The following CLMN variants were observed in gnomAD, a reference collection of about 807,000 sequenced individuals.
The protein encoded by CLMN is calmin (calponin-like, transmembrane).
Under a neutral mutation model 92.7 loss-of-function variants are expected in CLMN, and 57 were observed. The observed-to-expected ratio is 0.61, with a 90% confidence interval of 0.50 to 0.77. The LOEUF (loss-of-function observed/expected upper bound fraction) is 0.77, where lower values mean the gene tolerates loss of function less well. CLMN is among the 30% of genes least tolerant of loss of function. The pLI, the probability that CLMN is intolerant of heterozygous loss-of-function variation, is 0.00. For missense variants in CLMN, 1,158 were observed against 1,237.5 expected, an observed-to-expected ratio of 0.94 and a Z score of 0.96; for synonymous variants, 466 against 470.6, an observed-to-expected ratio of 0.99 and a Z score of 0.13.
rs1439900581 is a variant in CLMN, at chr14:95,204,358, T to C, written c.991A>G (p.Asn331Asp). The stretch of plus-strand genomic sequence containing the variant: ...TTAACAGTGTAGGTACGCTCCCCAT[T>C]TTCAGTCAGAACGAAGACTTTGCTC... Reference protein sequence around the residue: ...QESKVFVLTENGERTYTVNHE... With the variant: ...QESKVFVLTEDGERTYTVNHE... The change falls in exon 9 of 13, where the codon AAT becomes GAT. Residue 331 changes from asparagine to aspartate, a missense_variant. Asn to Asp is a conservative substitution (Grantham distance 23, BLOSUM62 1). Coordinates refer to ENST00000298912, the MANE Select transcript of CLMN (RefSeq NM_024734.4). 6.2e-7 allele frequency: 1 copy of C among 1,613,980 alleles called. No individual in the cohort carries two copies. Among genetic ancestry groups the C allele is most frequent in the Non-Finnish European group, 8.5e-7 (1 of 1,180,016 alleles).
At chr14:95,225,276 T>C (rs895157561) in intron 2 of CLMN, among the ~76,000 whole-genome samples, 5 of 151,920 alleles carry the variant, frequency 3.3e-5, no homozygotes, top group Non-Finnish European at 7.4e-5. Flanking sequence ...CACACCTGAG[T>C]TCAAAGCCAG....
At chr14:95,240,179 C>T (rs889882787) in intron 1 of CLMN, among the ~76,000 whole-genome samples, 4 of 152,188 alleles carry the variant, frequency 2.6e-5, no homozygotes, top group Non-Finnish European at 5.9e-5. Context: ...AGGATGTATT[C>T]CTGTTGTGAA....
rs557385083 is a variant in CLMN, at chr14:95,301,118, G to T, written c.82+18593C>A. ...TCTTCCCACAACTGGAGAGTATCGG[G>T]TTATAATGGACACAATTCACAGAAC... On this transcript the variant is annotated intron_variant, in intron 1 of 12. Transcript: ENST00000298912. Among the ~76,000 whole-genome samples, 16 of 152,332 alleles carry T rather than the reference G, an allele frequency of 1.1e-4. No individual in the cohort carries two copies. The South Asian group carries it at 2.9e-3, about 28-fold the overall frequency.
intron 1 of CLMN, among the ~76,000 whole-genome samples, chr14:95,276,884 G>A (rs189690591): frequency 1.0e-3 from 153 of 152,246 alleles, no homozygotes; most frequent in African/African-American, 3.5e-3. Context: ...CGCAACCCCT[G>A]GTGTGGCATC....
intron 1 of CLMN, among the ~76,000 whole-genome samples, chr14:95,274,626 C>T (rs1466020335): frequency 6.6e-6 from 1 of 152,228 alleles, no homozygotes; most frequent in African/African-American, 2.4e-5. Context: ...CCCTGTGTGG[C>T]TCCTTGAAGG....
At position 95,319,794 on chromosome 14, in the gene CLMN, AAGCGCGGGCGGGAGAGCCCGGGCC is replaced by A. The variant is rs763081441; in HGVS notation, c.-26_-3del. 3.5e-5 allele frequency: 54 copies of A among 1,535,808 alleles called. No individual in the cohort carries two copies. Among genetic ancestry groups the A allele is most frequent in the Non-Finnish European group, 4.5e-5 (52 of 1,145,488 alleles). On this transcript the variant is annotated 5_prime_UTR_variant, in exon 1 of 13. Transcript: ENST00000298912. ...CCAGTCCCACTCGTGTGCAGCCATG[AAGCGCGGGCGGGAGAGCCCGGGCC>A]AGCGCGGCGCGGGCGGCGGGCGCGG...
chr14:95,223,929 T>C lies in CLMN; in HGVS notation c.145-74A>G, dbSNP rs1431596881. Reference sequence around the variant, plus strand: ...CACAAAGCTATGTCAGAGATGCAGCTTTCTGCTCAAGAGAAAACTTCCAAA... The same window carrying C: ...CACAAAGCTATGTCAGAGATGCAGCCTTCTGCTCAAGAGAAAACTTCCAAA... On this transcript the variant is annotated intron_variant, in intron 2 of 12. Transcript: ENST00000298912. 3.7e-6 allele frequency: 4 copies of C among 1,083,172 alleles called. No individual in the cohort carries two copies. The African/African-American group carries it at 6.3e-5, about 17-fold the overall frequency. The allele number at this position is 1,083,172 out of a possible 1,614,324, so 67.1% of individuals were successfully genotyped here.
At chr14:95,206,060 T>C (rs1457281130) in intron 8 of CLMN, among the ~76,000 whole-genome samples, 1 of 152,150 alleles carries the variant, frequency 6.6e-6, no homozygotes, top group Non-Finnish European at 1.5e-5. Context: ...ATACTTTAAA[T>C]ATAAGTGTAC....
chr14:95,219,146 A>G (rs1247601066), intron 4 of CLMN, among the ~76,000 whole-genome samples: 2 of 152,214 alleles, frequency 1.3e-5, no homozygotes, highest in Admixed American at 1.3e-4. Flanking sequence ...CAGGCCCACA[A>G]AAGACACTTG....
chr14:95,308,531 G>T lies in CLMN; in HGVS notation c.82+11180C>A, dbSNP rs560996655. Among the ~76,000 whole-genome samples the T allele has an allele frequency of 8.9e-4, 135 of 152,258 alleles. 1 individual carries two copies. The South Asian group carries it at 0.012, about 14-fold the overall frequency. On this transcript the variant is annotated intron_variant, in intron 1 of 12. Transcript: ENST00000298912. The stretch of plus-strand genomic sequence containing the variant: ...TCATTAGCTCAATGGCTTGGAACCT[G>T]TGACAATCTCACTCAGCCTTAGTTC...
At chr14:95,290,597 A>C (rs141523170) in intron 1 of CLMN, among the ~76,000 whole-genome samples, 1 of 152,332 alleles carries the variant, frequency 6.6e-6, no homozygotes, top group East Asian at 1.9e-4. Flanking sequence ...CAGGCAAGGC[A>C]ACAGATTCTC....
Position 95,262,155 on chromosome 14 carries a change from A to C in CLMN, c.83-32022T>G, listed in dbSNP as rs74078322. On this transcript the variant is annotated intron_variant, in intron 1 of 12. Transcript: ENST00000298912. ...TTTGGACAGCCAGCAACCCGATGTC[A>C]TCACCTGTTCAAAAGCATTAAAGCT... 3.2e-3 allele frequency among the ~76,000 whole-genome samples: 484 copies of C among 152,342 alleles called. 1 individual carries two copies. Among genetic ancestry groups the C allele is most frequent in the African/African-American group, 0.011 (456 of 41,566 alleles).
chr14:95,316,133 C>T (rs748864439), intron 1 of CLMN, among the ~76,000 whole-genome samples: 31 of 152,216 alleles, frequency 2.0e-4, no homozygotes, highest in Non-Finnish European at 3.4e-4. Context: ...CAGCCAGGTA[C>T]GGAACTAAGG....
chr14:95,200,952 T>C (rs1331211530), intron 9 of CLMN, among the ~76,000 whole-genome samples: 1 of 150,454 alleles, frequency 6.6e-6, no homozygotes, highest in Non-Finnish European at 1.5e-5. Context: ...TTTCTTTAAC[T>C]TTCTAATGCC....
At chr14:95,247,464 C>A (rs754207897) in intron 1 of CLMN, among the ~76,000 whole-genome samples, 1 of 152,186 alleles carries the variant, frequency 6.6e-6, no homozygotes, top group Middle Eastern at 3.2e-3. Flanking sequence ...CTCCCTGAGT[C>A]GAGAGGCTGC....
In CLMN at chr14:95,203,969, A is replaced by G. The variant is rs1279612203; in HGVS notation, c.1380T>C (p.Asp460=). ...PRVAKESLRQ[D]GHVLAVEVAE... ...CAACCTCAACTGCCAAGACATGTCCATCCTGCCTCAATGATTCCTTTGCCA... is the reference window on the plus strand; with the variant it reads ...CAACCTCAACTGCCAAGACATGTCCGTCCTGCCTCAATGATTCCTTTGCCA... Residue 460 remains aspartate (D), a synonymous_variant, in exon 9 of 13, where the codon GAT becomes GAC. Coordinates refer to ENST00000298912, the MANE Select transcript of CLMN (RefSeq NM_024734.4). 7.4e-6 allele frequency: 12 copies of G among 1,614,072 alleles called. No homozygotes were observed. Among genetic ancestry groups the G allele is most frequent in the East Asian group, 2.2e-5 (1 of 44,894 alleles).
intron 1 of CLMN, among the ~76,000 whole-genome samples, chr14:95,299,546 T>A (rs991816562): frequency 9.2e-5 from 14 of 152,136 alleles, no homozygotes; most frequent in African/African-American, 3.1e-4. Flanking sequence ...GGACTCACAA[T>A]GCAGTGGGGA....
At chr14:95,246,985 C>G (rs1898598509) in intron 1 of CLMN, among the ~76,000 whole-genome samples, 1 of 152,218 alleles carries the variant, frequency 6.6e-6, no homozygotes, top group South Asian at 2.1e-4. Context: ...CACCTGCCCC[C>G]TGGACTCCCA....
intron 1 of CLMN, among the ~76,000 whole-genome samples, chr14:95,276,434 A>G (rs2144818): frequency 0.95 from 144,714 of 152,250 alleles, 68,842 homozygotes; most frequent in East Asian, 1. Context: ...ATGGGATATG[A>G]GGAGCTTTTT....
Sources: gnomAD v4.1 joint callset for allele counts (sites outside exome capture counted in the v4.1 genomes callset) on GRCh38, gnomAD v4.1.1 for gene constraint, MANE v1.5 for transcripts, NCBI Gene and HGNC (gene_info 2026-07-23, HGNC 2026-07-21) for gene names.